The following CDKL3 variants were observed in gnomAD, a reference collection of about 807,000 sequenced individuals.
The protein encoded by CDKL3 is cyclin dependent kinase like 3.
In CDKL3, 65 loss-of-function variants were observed where a neutral mutation model predicts 69.3. The observed-to-expected ratio is 0.94, with a 90% CI of 0.77 to 1.15. The LOEUF is 1.15. CDKL3 is among the 50% of genes most tolerant of loss of function. The probability of loss-of-function intolerance (pLI) is 0.00; values close to 1 mark genes in which losing one functional copy is unlikely to be tolerated. For synonymous variants in CDKL3, 202 were observed against 221.6 expected, an observed-to-expected ratio of 0.91 and a Z score of 0.79; for missense variants, 652 against 689.2, an observed-to-expected ratio of 0.95 and a Z score of 0.61.
intron 12 of CDKL3, chr5:134,299,854 T>C: frequency 1.4e-6 from 1 of 704,528 alleles, no homozygotes; most frequent in East Asian, 2.7e-5. Flanking sequence ...CTATGGGTTG[T>C]TTCATAAGGT....
intron 11 of CDKL3, among the ~76,000 whole-genome samples, chr5:134,303,095 A>T (rs890204209): frequency 6.9e-6 from 1 of 145,704 alleles, no homozygotes; most frequent in Admixed American, 6.9e-5. Context: ...AAGTTCATAA[A>T]TTTTTTTTTT....
intron 11 of CDKL3, among the ~76,000 whole-genome samples, chr5:134,304,000 C>A (rs1767072974): frequency 6.6e-6 from 1 of 151,280 alleles, no homozygotes; most frequent in Non-Finnish European, 1.5e-5. Flanking sequence ...GTGGCGTGAT[C>A]ATGGCTCACT....
intron 7 of CDKL3, among the ~76,000 whole-genome samples, chr5:134,311,536 G>C (rs1451231325): frequency 6.6e-6 from 1 of 151,818 alleles, no homozygotes; most frequent in Non-Finnish European, 1.5e-5. Flanking sequence ...CACTGCAACA[G>C]AGAATAAGTA....
At chr5:134,336,299 T>G (rs541799173) in intron 4 of CDKL3, among the ~76,000 whole-genome samples, 136 of 152,328 alleles carry the variant, frequency 8.9e-4, no homozygotes, top group Non-Finnish European at 1.6e-3. Context: ...AGTTTGTTAT[T>G]ACCGCCCTTC....
downstream of CDKL3, among the ~76,000 whole-genome samples, chr5:134,297,614 T>A (rs1310529659): frequency 6.6e-6 from 1 of 151,582 alleles, no homozygotes; most frequent in South Asian, 2.1e-4. Context: ...GGAGTTTCAC[T>A]CTCGTTGCCC....
At chr5:134,361,830 G>A (rs1581246162) in intron 2 of CDKL3, among the ~76,000 whole-genome samples, 1 of 152,346 alleles carries the variant, frequency 6.6e-6, no homozygotes, top group Admixed American at 6.5e-5. Flanking sequence ...CTTGAACCCA[G>A]GAGGTGGAGG....
chr5:134,308,781 AT>A, intron 7 of CDKL3, 54 bp from the exon 8 acceptor site: 1 of 1,421,162 alleles, frequency 7.0e-7, no homozygotes, highest in African/African-American at 1.4e-5. Flanking sequence ...CAGATGGAGT[AT>A]TTTATCTTGA....
chr5:134,330,062 T>C (rs554268935), intron 4 of CDKL3, among the ~76,000 whole-genome samples: 1 of 151,304 alleles, frequency 6.6e-6, no homozygotes. Flanking sequence ...AAAATAAAAA[T>C]ATAAACTTTA....
At chr5:134,323,218 G>C (rs571160314) in intron 4 of CDKL3, among the ~76,000 whole-genome samples, 1 of 152,212 alleles carries the variant, frequency 6.6e-6, no homozygotes, top group African/African-American at 2.4e-5. Context: ...ATTAAAAATT[G>C]ATAATTATGT....
At chr5:134,303,269 G>C (rs183620940) in intron 11 of CDKL3, among the ~76,000 whole-genome samples, 2 of 151,916 alleles carry the variant, frequency 1.3e-5, no homozygotes, top group East Asian at 3.9e-4. Context: ...TAGAGATGGG[G>C]TTTTGCCATA....
At chr5:134,309,961 G>T (rs1401061151) in intron 7 of CDKL3, among the ~76,000 whole-genome samples, 2 of 151,948 alleles carry the variant, frequency 1.3e-5, no homozygotes, top group Non-Finnish European at 2.9e-5. Flanking sequence ...CTCCGTAGTA[G>T]CTGGGACTAC....
At chr5:134,355,259 G>GAT (rs1754320178) in intron 3 of CDKL3, among the ~76,000 whole-genome samples, 1 of 140,712 alleles carries the variant, frequency 7.1e-6, no homozygotes, top group Non-Finnish European at 1.5e-5. Flanking sequence ...AAAAAAAACA[G>GAT]ATATAGTTCT....
rs766326858 is a variant in CDKL3, at chr5:134,350,274, C to G, written c.514G>C (p.Val172Leu). 6.3e-7 allele frequency: 1 copy of G among 1,583,510 alleles called. No homozygotes were observed. Among genetic ancestry groups the G allele is most frequent in the Non-Finnish European group, 8.6e-7 (1 of 1,165,500 alleles). ...TTTCCATAAGAAGTATCTTTTAATA[C>G]TAATTCGGGAGCTCTATACCAGCGT... ...ATRWYRAPEL[V>L]LKDTSYGKPV... Residue 172 changes from valine to leucine, a missense_variant, in exon 4 of 13, where the codon GTA (valine) becomes CTA (leucine). Physicochemically the swap from Val to Leu is conservative, Grantham distance 32 (BLOSUM62 1). Coordinates refer to ENST00000265334, the MANE Select transcript of CDKL3 (RefSeq NM_001113575.2).
At chr5:134,367,483 C>T (rs1441247532), upstream of CDKL3, 4 of 779,854 alleles carry the variant, frequency 5.1e-6, no homozygotes, top group Non-Finnish European at 6.2e-6. Context: ...AAGTGATTTT[C>T]CTGCCTCAGC....
At chr5:134,325,998 G>A (rs993570232) in intron 4 of CDKL3, among the ~76,000 whole-genome samples, 4 of 142,724 alleles carry the variant, frequency 2.8e-5, no homozygotes, top group Non-Finnish European at 6.0e-5. Flanking sequence ...GGATGGTCTC[G>A]ATACCCTGAC....
rs571197014 is a variant in CDKL3 at position 134,320,421 on chromosome 5, C to T, written c.653-924G>A. 1.3e-4 allele frequency among the ~76,000 whole-genome samples: 20 copies of T among 151,932 alleles called. No homozygotes were observed. The East Asian group carries it at 1.4e-3, about 10-fold the overall frequency. On this transcript the variant is annotated intron_variant, in intron 5 of 12. Coordinates refer to ENST00000265334, the MANE Select transcript of CDKL3 (RefSeq NM_001113575.2). ...GGCAAAACCGCGGCTGCACTAAAAA[C>T]GCAAAAATTAGCCGGGGATGATGGC...
upstream of CDKL3, among the ~76,000 whole-genome samples, chr5:134,369,936 G>A (rs35846335): frequency 0.029 from 4,487 of 152,214 alleles, 97 homozygotes; most frequent in Non-Finnish European, 0.047. Flanking sequence ...GGAAGGGTTA[G>A]GACTGCAATG....
intron 4 of CDKL3, among the ~76,000 whole-genome samples, chr5:134,327,000 C>G (rs1158228074): frequency 1.3e-5 from 2 of 151,622 alleles, no homozygotes; most frequent in Non-Finnish European, 2.9e-5. Flanking sequence ...TTTTTCCTTC[C>G]CCACTCTCTG....
rs551465768 is a variant in CDKL3 at position 134,353,791 on chromosome 5, C to T, written c.361-3364G>A. On this transcript the variant is annotated intron_variant, in intron 3 of 12. Coordinates refer to ENST00000265334, the MANE Select transcript of CDKL3 (RefSeq NM_001113575.2). ...GCCAGGATGGTCTCGATCTCTTGAC[C>T]TTGTGATCCGCCCGCCTCGGCCTCC... Among the ~76,000 whole-genome samples, 13 of 152,256 alleles carry T rather than the reference C, an allele frequency of 8.5e-5. No homozygotes were observed. In the South Asian group the frequency reaches 2.3e-3, roughly 27 times the overall value.
Sources: allele counts gnomAD v4.1 joint callset (sites outside exome capture counted in the v4.1 genomes callset), GRCh38; gene constraint gnomAD v4.1.1; transcripts MANE v1.5; gene names NCBI Gene and HGNC (gene_info 2026-07-23, HGNC 2026-07-21).